The following PLAC1 variants were observed in gnomAD, a reference collection of about 807,000 sequenced individuals.
The protein encoded by PLAC1 is placenta-specific protein 1.
For synonymous variants in PLAC1, 68 were observed against 62.1 expected, an observed-to-expected ratio of 1.09 and a Z score of -0.44; for missense variants, 136 against 163.2, an observed-to-expected ratio of 0.83 and a Z score of 0.91.
chrX:134,566,353 C>T lies in PLAC1; in HGVS notation c.330G>A (p.Val110=). Residue 110 remains valine, a synonymous_variant, in exon 3 of 3, where the codon GTG becomes GTA. Transcript: ENST00000359237. The part of the protein sequence containing the change: ...YSSKGTPSKF[V]IPVSCAAPQK... ...GGGGGGCAGCACATGACACTGGGAT[C>T]ACAAACTTAGATGGCGTGCCCTTAG... 1 of 1,211,607 alleles carries T rather than the reference C, an allele frequency of 8.3e-7. No homozygotes were observed. Among genetic ancestry groups the T allele is most frequent in the Non-Finnish European group, 1.1e-6 (1 of 895,428 alleles).
chrX:134,645,534 G>A (rs776890219), intron 1 of PLAC1, among the ~76,000 whole-genome samples: 4 of 111,322 alleles, frequency 3.6e-5, no homozygotes, highest in Non-Finnish European at 7.5e-5. Flanking sequence ...TCTTCCTTTT[G>A]TTTGGCTGCT....
chrX:134,750,582 C>T (rs1368558040), intron 1 of PLAC1, among the ~76,000 whole-genome samples: 1 of 106,308 alleles, frequency 9.4e-6, no homozygotes, highest in Non-Finnish European at 1.9e-5. Context: ...TTCCCATTTT[C>T]TTACTCCCAC....
At chrX:134,686,485 C>T (rs1254140104) in intron 2 of PLAC1, among the ~76,000 whole-genome samples, 2 of 111,735 alleles carry the variant, frequency 1.8e-5, no homozygotes, top group Non-Finnish European at 3.8e-5. Context: ...TTGTTTGGTA[C>T]GGGCAATACT....
At chrX:134,763,595 C>T (rs1261893437) in intron 1 of PLAC1, among the ~76,000 whole-genome samples, 1 of 110,612 alleles carries the variant, frequency 9.0e-6, no homozygotes, top group African/African-American at 3.3e-5. Context: ...CCGAGGCAGG[C>T]GGATCACCTG....
chrX:134,705,347 G>A (rs2078600831), intron 2 of PLAC1, among the ~76,000 whole-genome samples: 1 of 103,498 alleles, frequency 9.7e-6, no homozygotes, highest in Non-Finnish European at 2.0e-5. Context: ...GAACACAGGA[G>A]GCGGAGGTTG....
intron 1 of PLAC1, among the ~76,000 whole-genome samples, chrX:134,741,392 A>G (rs1409251230): frequency 8.9e-6 from 1 of 112,149 alleles, no homozygotes; most frequent in East Asian, 2.8e-4. Context: ...CAAACATCTA[A>G]TTTTCATACT....
At chrX:134,578,581 C>G (rs192020006) in intron 2 of PLAC1, among the ~76,000 whole-genome samples, 1 of 88,746 alleles carries the variant, frequency 1.1e-5, no homozygotes, top group Non-Finnish European at 2.1e-5. Context: ...TGTAGTCGTG[C>G]AATCACAGTT....
intron 1 of PLAC1, among the ~76,000 whole-genome samples, chrX:134,651,963 G>A (rs1246894799): frequency 9.0e-6 from 1 of 111,599 alleles, no homozygotes; most frequent in African/African-American, 3.3e-5. Context: ...TTCTACGGGG[G>A]GAGGAGGGTA....
Position 134,762,762 on chromosome X carries a change from C to T in PLAC1, n.89+1472G>A, listed in dbSNP as rs912385518. 1.6e-4 allele frequency among the ~76,000 whole-genome samples: 14 copies of T among 85,188 alleles called. No homozygotes were observed. In the East Asian group the frequency reaches 6.1e-3, roughly 37 times the overall value. The allele number at this position is 85,188 out of a possible 115,157, so 74.0% of individuals were successfully genotyped here. On this transcript the variant is annotated intron_variant and non_coding_transcript_variant, in intron 1 of 2. Coordinates refer to the PLAC1 transcript ENST00000466797. Reference sequence around the variant, plus strand: ...ACTTGAACCCGGGCAGCAGAGGTTGCGGTGAGCCGAGATCATGCCACTGCA... The same window carrying T: ...ACTTGAACCCGGGCAGCAGAGGTTGTGGTGAGCCGAGATCATGCCACTGCA...
intron 2 of PLAC1, among the ~76,000 whole-genome samples, chrX:134,696,634 T>C (rs745467679): frequency 9.0e-6 from 1 of 111,386 alleles, no homozygotes; most frequent in Non-Finnish European, 1.9e-5. Context: ...AGAATTTAGA[T>C]TGCAAAATTT....
upstream of PLAC1, among the ~76,000 whole-genome samples, chrX:134,660,610 G>A (rs2078413172): frequency 8.9e-6 from 1 of 112,068 alleles, no homozygotes; most frequent in Non-Finnish European, 1.9e-5. Context: ...TCCAGATGCA[G>A]AGCAGAGGAA....
At chrX:134,581,476 C>CT (rs35457928) in intron 2 of PLAC1, among the ~76,000 whole-genome samples, 13,960 of 58,816 alleles carry the variant, frequency 0.24, 2,516 homozygotes, top group South Asian at 0.37. Context: ...TTCTCAGACT[C>CT]TTTTTTTTTT....
At chrX:134,685,865 A>G (rs1363232160) in intron 2 of PLAC1, among the ~76,000 whole-genome samples, 1 of 110,759 alleles carries the variant, frequency 9.0e-6, no homozygotes, top group Non-Finnish European at 1.9e-5. Flanking sequence ...GAAGACAGAG[A>G]CATTCATTTT....
Position 134,592,633 on chromosome X carries a change from G to A in PLAC1, c.-59+9418C>T, listed in dbSNP as rs2078043828. Among the ~76,000 whole-genome samples, 4 of 109,405 alleles carry A rather than the reference G, an allele frequency of 3.7e-5. No individual in the cohort carries two copies. The South Asian group carries it at 1.6e-3, about 43-fold the overall frequency. ...AGTCTCCAGCCTGCTGGCCTGCCCTGCAAATTTTGGACTTGCCAACATCCA... is the reference window on the plus strand; with the variant it reads ...AGTCTCCAGCCTGCTGGCCTGCCCTACAAATTTTGGACTTGCCAACATCCA... On this transcript the variant is annotated intron_variant, in intron 2 of 2. Transcript: ENST00000359237.
intron 2 of PLAC1, among the ~76,000 whole-genome samples, chrX:134,586,963 G>A (rs998005665): frequency 6.4e-5 from 7 of 108,984 alleles, no homozygotes; most frequent in African/African-American, 2.3e-4. Flanking sequence ...CTCCCAAAGT[G>A]CTGGGATTAC....
chrX:134,728,057 C>A (rs1402861844), intron 2 of PLAC1, among the ~76,000 whole-genome samples: 2 of 111,374 alleles, frequency 1.8e-5, no homozygotes, highest in African/African-American at 6.5e-5. Flanking sequence ...AAAGAATCAG[C>A]AAATTTGAAG....
At chrX:134,705,190 G>A (rs1286772291) in intron 2 of PLAC1, among the ~76,000 whole-genome samples, 8 of 106,750 alleles carry the variant, frequency 7.5e-5, no homozygotes, top group Non-Finnish European at 1.5e-4. Flanking sequence ...GGAGGCCGAG[G>A]CAGGTGGATC....
intron 2 of PLAC1, among the ~76,000 whole-genome samples, chrX:134,580,336 G>A (rs1313072163): frequency 8.9e-6 from 1 of 112,079 alleles, no homozygotes; most frequent in Non-Finnish European, 1.9e-5. Flanking sequence ...CTGTATTACT[G>A]TGTTTAGGGC....
chrX:134,686,220 T>C (rs1445003566), intron 2 of PLAC1, among the ~76,000 whole-genome samples: 1 of 111,213 alleles, frequency 9.0e-6, no homozygotes, highest in Non-Finnish European at 1.9e-5. Flanking sequence ...GGCCTCTCTG[T>C]TCCCCATCCA....
Sources: allele counts gnomAD v4.1 joint callset (sites outside exome capture counted in the v4.1 genomes callset), GRCh38; gene constraint gnomAD v4.1.1; transcripts MANE v1.5; gene names NCBI Gene and HGNC (gene_info 2026-07-23, HGNC 2026-07-21).